The following APBA1 variants were observed in gnomAD, a reference collection of about 807,000 sequenced individuals.
The protein encoded by APBA1 is amyloid beta precursor protein binding family A member 1.
In APBA1, 55 loss-of-function variants were observed where a neutral mutation model predicts 86.6. That is an observed-to-expected ratio of 0.64 (90% CI 0.51 to 0.80). The LOEUF is 0.80. Among genes scored for constraint, APBA1 ranks in the 30% least tolerant of loss-of-function variants. The probability of loss-of-function intolerance (pLI) is 0.00; values close to 1 mark genes in which losing one functional copy is unlikely to be tolerated. For missense variants in APBA1, 1,090 were observed against 1,183.0 expected, an observed-to-expected ratio of 0.92 and a Z score of 1.15; for synonymous variants, 511 against 493.9, an observed-to-expected ratio of 1.03 and a Z score of -0.46.
chr9:69,490,992 C>T (rs946588274), intron 2 of APBA1, among the ~76,000 whole-genome samples: 3 of 152,106 alleles, frequency 2.0e-5, no homozygotes, highest in African/African-American at 4.8e-5. Context: ...TAGGAACACT[C>T]TTACACTGTT....
chr9:69,511,161 G>A (rs1231210181), intron 2 of APBA1, among the ~76,000 whole-genome samples: 17 of 151,820 alleles, frequency 1.1e-4, no homozygotes, highest in South Asian at 6.2e-4. Context: ...GCAAATTTTC[G>A]CAACCTACTC....
chr9:69,454,924 G>A (rs1835070296), intron 8 of APBA1, among the ~76,000 whole-genome samples: 1 of 152,126 alleles, frequency 6.6e-6, no homozygotes, highest in Non-Finnish European at 1.5e-5. Context: ...TAGGGAGAAT[G>A]GCAGGCAGAG....
At chr9:69,474,604 T>C (rs1835413415) in intron 3 of APBA1, among the ~76,000 whole-genome samples, 1 of 152,160 alleles carries the variant, frequency 6.6e-6, no homozygotes, top group Non-Finnish European at 1.5e-5. Flanking sequence ...TGTGGAACGG[T>C]GGGAACAGCA....
intron 10 of APBA1, 41 bp from the exon 11 acceptor site, chr9:69,441,156 A>T (rs777519148): frequency 6.3e-7 from 1 of 1,588,096 alleles, no homozygotes; most frequent in Admixed American, 1.8e-5. Context: ...GTGACCACTG[A>T]GGCAGACAGA....
intron 1 of APBA1, among the ~76,000 whole-genome samples, chr9:69,536,368 G>C (rs569796453): frequency 6.6e-6 from 1 of 152,066 alleles, no homozygotes; most frequent in African/African-American, 2.4e-5. Flanking sequence ...ATTTGCTTGA[G>C]AGGATTAAAG....
In APBA1 at chr9:69,492,469, G is replaced by A. The variant is rs116589119; in HGVS notation, c.1201-16326C>T. On this transcript the variant is annotated intron_variant, in intron 2 of 12. Transcript: ENST00000265381. ...CCTTCCTTATTAAAATTTTATTCAC[G>A]GGTAAAATTGAAAAGCAAAAAGGCT... Among the ~76,000 whole-genome samples the A allele has an allele frequency of 6.9e-3, 1,050 of 152,044 alleles. 14 individuals are homozygous for A. Among genetic ancestry groups the A allele is most frequent in the African/African-American group, 0.024 (977 of 41,452 alleles).
At chr9:69,486,408 A>G (rs1835610786) in intron 2 of APBA1, among the ~76,000 whole-genome samples, 1 of 152,092 alleles carries the variant, frequency 6.6e-6, no homozygotes, top group Non-Finnish European at 1.5e-5. Flanking sequence ...CCTTCGACAG[A>G]CATCTCAGTG....
intron 1 of APBA1, among the ~76,000 whole-genome samples, chr9:69,593,023 T>A (rs1182077890): frequency 1.3e-5 from 2 of 152,212 alleles, no homozygotes; most frequent in Admixed American, 1.3e-4. Flanking sequence ...TATTATAAAA[T>A]GCCATATAAG....
chr9:69,445,813 T>C (rs531184559), intron 10 of APBA1, among the ~76,000 whole-genome samples: 4 of 152,274 alleles, frequency 2.6e-5, no homozygotes, highest in African/African-American at 9.6e-5. Context: ...AGTATTGAAG[T>C]GGCCAGATGC....
chr9:69,469,052 G>C (rs977981022), intron 4 of APBA1, among the ~76,000 whole-genome samples: 7 of 151,886 alleles, frequency 4.6e-5, no homozygotes, highest in African/African-American at 1.7e-4. Flanking sequence ...GTAGAGATGG[G>C]GTTTTGCCAT....
intron 1 of APBA1, among the ~76,000 whole-genome samples, chr9:69,605,598 T>C (rs1347823193): frequency 1.3e-5 from 2 of 152,200 alleles, no homozygotes; most frequent in Non-Finnish European, 2.9e-5. Context: ...TCATTTGGTC[T>C]TGGCTGTAAG....
intron 1 of APBA1, among the ~76,000 whole-genome samples, chr9:69,564,913 G>C (rs573304421): frequency 2.6e-5 from 4 of 152,098 alleles, no homozygotes; most frequent in African/African-American, 7.2e-5. Flanking sequence ...AAGTAGAAAC[G>C]ACCCAAATGG....
chr9:69,449,475 G>T (rs1429036684), intron 10 of APBA1, 109 bp downstream of exon 10: 3 of 1,011,676 alleles, frequency 3.0e-6, no homozygotes, highest in South Asian at 1.5e-5. Flanking sequence ...TGTCTTCCTT[G>T]GTGCCTGACA....
At chr9:69,449,540 CTT>C in intron 10 of APBA1, 42 bp downstream of exon 10, 1 of 1,536,754 alleles carries the variant, frequency 6.5e-7, no homozygotes, top group South Asian at 1.1e-5. Context: ...CTTCACATCA[CTT>C]GAGGTTTACC....
chr9:69,449,988 C>T (rs905180820), intron 9 of APBA1, among the ~76,000 whole-genome samples, 192 bp from the exon 10 acceptor site: 3 of 150,786 alleles, frequency 2.0e-5, no homozygotes, highest in Non-Finnish European at 2.9e-5. Flanking sequence ...CACAGGTCTA[C>T]ACTCTTTTGT....
chr9:69,517,070 A>G lies in APBA1; in HGVS notation c.141T>C (p.Tyr47=), dbSNP rs377426718. ...CTCGCCCGCGCTGGTGGCGGCCCAC[A>G]TAGTGCTGCTGCTGCGGCGGCTGCT... ...EQQQPPQQQH[Y]VGRHQRGRAL... is the part of the protein sequence containing the mutation. Residue 47 remains tyrosine (Y), a synonymous_variant, in exon 2 of 13, where the codon TAT becomes TAC. Coordinates refer to ENST00000265381, the MANE Select transcript of APBA1 (RefSeq NM_001163.4). 6.9e-4 allele frequency: 1,101 copies of G among 1,585,688 alleles called. 9 individuals carry two copies. In the African/African-American group the frequency reaches 0.014, roughly 19 times the overall value.
intron 11 of APBA1, among the ~76,000 whole-genome samples, chr9:69,440,279 G>T (rs1482788851): frequency 6.6e-6 from 1 of 152,176 alleles, no homozygotes; most frequent in African/African-American, 2.4e-5. Context: ...CTCAAGCTGT[G>T]TGCTGGGAGA....
chr9:69,548,190 A>G (rs1836727231), intron 1 of APBA1, among the ~76,000 whole-genome samples: 1 of 152,168 alleles, frequency 6.6e-6, no homozygotes, highest in Non-Finnish European at 1.5e-5. Context: ...ACATAAACCA[A>G]GCAATGCAAG....
At chr9:69,458,322 T>C (rs774442396) in intron 5 of APBA1, 134 bp from the exon 6 acceptor site, 11 of 657,658 alleles carry the variant, frequency 1.7e-5, no homozygotes, top group Non-Finnish European at 2.7e-5. Context: ...GGACTGGCTT[T>C]TAAAAATCCC....
Sources: allele counts gnomAD v4.1 joint callset (sites outside exome capture counted in the v4.1 genomes callset), GRCh38; gene constraint gnomAD v4.1.1; transcripts MANE v1.5; gene names NCBI Gene and HGNC (gene_info 2026-07-23, HGNC 2026-07-21).